The following DAAM2 variants were observed in gnomAD, a reference collection of about 807,000 sequenced individuals.
DAAM2 encodes the protein dishevelled associated activator of morphogenesis 2.
In DAAM2, 39 loss-of-function variants were observed where a neutral mutation model predicts 120.7. The observed-to-expected ratio is 0.32, with a 90% confidence interval of 0.25 to 0.42. DAAM2 has a LOEUF of 0.42. Among genes scored for constraint, DAAM2 ranks in the 10% least tolerant of loss-of-function variants. The pLI is 1.00. For missense variants in DAAM2, 1,283 were observed against 1,401.7 expected, an observed-to-expected ratio of 0.92 and a Z score of 1.35; for synonymous variants, 488 against 524.9, an observed-to-expected ratio of 0.93 and a Z score of 0.96.
At chr6:39,893,648 T>C (rs559776468) in intron 19 of DAAM2, among the ~76,000 whole-genome samples, 1 of 152,378 alleles carries the variant, frequency 6.6e-6, no homozygotes, top group Non-Finnish European at 1.5e-5. Context: ...TCTATAGCTC[T>C]GCTCTATAAT....
intron 1 of DAAM2, among the ~76,000 whole-genome samples, chr6:39,799,163 T>A (rs1761788944): frequency 6.6e-6 from 1 of 152,104 alleles, no homozygotes; most frequent in Non-Finnish European, 1.5e-5. Flanking sequence ...GTTTGGTGGC[T>A]CCTGCCCTCC....
At chr6:39,819,140 C>T (rs1184239484) in intron 1 of DAAM2, 3 of 152,210 alleles carry the variant, frequency 2.0e-5, no homozygotes, top group African/African-American at 7.2e-5. Context: ...AGAATGCAGG[C>T]TACACCCCAG....
At chr6:39,885,790 G>C (rs1176056049) in intron 15 of DAAM2, 1 of 152,296 alleles carries the variant, frequency 6.6e-6, no homozygotes, top group Non-Finnish European at 1.5e-5. Context: ...GGGCAGGGGA[G>C]GTCCTGGGAG....
At chr6:39,871,208 A>G (rs1764646424) in intron 8 of DAAM2, among the ~76,000 whole-genome samples, 1 of 152,152 alleles carries the variant, frequency 6.6e-6, no homozygotes, top group South Asian at 2.1e-4. Flanking sequence ...ATCCTCACAG[A>G]TCAGCCTCCC....
At chr6:39,855,454 A>G (rs1433116746) in intron 1 of DAAM2, among the ~76,000 whole-genome samples, 1 of 152,178 alleles carries the variant, frequency 6.6e-6, no homozygotes, top group African/African-American at 2.4e-5. Flanking sequence ...GTTGCCTGGT[A>G]TGAAAAGAAA....
At chr6:39,858,702 G>A (rs563769036) in intron 2 of DAAM2, among the ~76,000 whole-genome samples, 1 of 152,118 alleles carries the variant, frequency 6.6e-6, no homozygotes, top group Non-Finnish European at 1.5e-5. Flanking sequence ...CTCTACATAA[G>A]TACATCATAG....
chr6:39,825,267 G>A (rs1200838433), intron 1 of DAAM2, among the ~76,000 whole-genome samples: 1 of 152,058 alleles, frequency 6.6e-6, no homozygotes, highest in East Asian at 1.9e-4. Flanking sequence ...GTGTGCGCCT[G>A]TAGTTTCAGC....
Position 39,902,037 on chromosome 6 carries a change from AC to A in DAAM2, c.*2del, listed in dbSNP as rs768382438. ...GGGCAATAAACCGGCTAAATTATTG[AC>A]CTGGGGAACTAGCCACACAGGAGGC... On this transcript the variant is annotated 3_prime_UTR_variant, in exon 25 of 25. Coordinates refer to ENST00000274867, the MANE Select transcript of DAAM2 (RefSeq NM_001201427.2). 90 of 1,597,978 alleles carry A rather than the reference AC, an allele frequency of 5.6e-5. No homozygotes were observed. In the South Asian group the frequency reaches 9.8e-4, roughly 17 times the overall value.
At chr6:39,844,754 G>A (rs560690938) in intron 1 of DAAM2, among the ~76,000 whole-genome samples, 72 of 152,206 alleles carry the variant, frequency 4.7e-4, no homozygotes, top group African/African-American at 1.6e-3. Context: ...CTGATTTCCA[G>A]CGATCTTACT....
intron 19 of DAAM2, among the ~76,000 whole-genome samples, chr6:39,896,423 C>G (rs542481345): frequency 6.6e-6 from 1 of 152,066 alleles, no homozygotes; most frequent in Non-Finnish European, 1.5e-5. Context: ...AGGCTGGTCT[C>G]GAACTCCTGA....
At position 39,901,151 on chromosome 6, in the gene DAAM2, T is replaced by C. The variant is rs769306832; in HGVS notation, c.2812-151T>C. 6 of 679,042 alleles carry C rather than the reference T, an allele frequency of 8.8e-6. No homozygotes were observed. Among genetic ancestry groups the C allele is most frequent in the Non-Finnish European group, 1.5e-5 (6 of 388,440 alleles). 42.1% of individuals were successfully genotyped at this position (679,042 alleles called of 1,614,324 possible). A position where few individuals can be genotyped will look rare whatever the true frequency, so the allele number is the denominator to read the frequency against. On this transcript the variant is annotated intron_variant, in intron 23 of 24. Coordinates refer to ENST00000274867, the MANE Select transcript of DAAM2 (RefSeq NM_001201427.2). The surrounding 1 kb of genome is among the most constrained non-coding windows in gnomAD (Gnocchi z 4.5). ...TCTCTGATCCTGATGATGATGGGGG[T>C]GTCTTCTCACCTCTTCCAGCCCTGC...
intron 14 of DAAM2, among the ~76,000 whole-genome samples, chr6:39,880,939 G>T (rs918809360): frequency 1.7e-4 from 26 of 152,158 alleles, no homozygotes; most frequent in Admixed American, 5.2e-4. Flanking sequence ...CAACCGCTCT[G>T]CAGAACGTGC....
intron 1 of DAAM2, among the ~76,000 whole-genome samples, chr6:39,851,451 AATG>A (rs1477790733): frequency 6.6e-6 from 1 of 152,218 alleles, no homozygotes; most frequent in East Asian, 1.9e-4. Flanking sequence ...GAGGGAATAA[AATG>A]TCGACATAGC....
At chr6:39,806,840 C>CAAAAA (rs200270782) in intron 1 of DAAM2, among the ~76,000 whole-genome samples, 2 of 25,180 alleles carry the variant, frequency 7.9e-5, no homozygotes, top group Non-Finnish European at 3.1e-4. Context: ...ATCAGATTGG[C>CAAAAA]AAAAAAAAAA....
Position 39,875,559 on chromosome 6 carries a change from C to T in DAAM2, c.1301+91C>T, listed in dbSNP as rs536941733. 141 of 1,464,044 alleles carry T rather than the reference C, an allele frequency of 9.6e-5. 1 individual carries two copies. The highest frequency in any genetic ancestry group is 2.7e-4 in the South Asian group (20 of 75,384). 90.7% of individuals were successfully genotyped at this position (1,464,044 alleles called of 1,614,324 possible). A position where few individuals can be genotyped will look rare whatever the true frequency, so the allele number is the denominator to read the frequency against. ...CACCAGCGAAACCTCAGCTCCCTTTCGCAACCCAGTCATCCCGAAATGAGT... is the reference window on the plus strand; with the variant it reads ...CACCAGCGAAACCTCAGCTCCCTTTTGCAACCCAGTCATCCCGAAATGAGT... On this transcript the variant is annotated intron_variant, in intron 11 of 24. Coordinates refer to ENST00000274867, the MANE Select transcript of DAAM2 (RefSeq NM_001201427.2).
intron 1 of DAAM2, among the ~76,000 whole-genome samples, chr6:39,845,355 AT>A: frequency 7.7e-3 from 1 of 130 alleles, no homozygotes; most frequent in African/African-American, 0.056. Context: ...TCCCATACAC[AT>A]CACACATGCA....
chr6:39,857,869 T>G (rs559403945), intron 2 of DAAM2, among the ~76,000 whole-genome samples: 12 of 152,202 alleles, frequency 7.9e-5, no homozygotes, highest in Admixed American at 7.8e-4. Context: ...AGACCTCCCC[T>G]GCCTCCAAGA....
intron 1 of DAAM2, among the ~76,000 whole-genome samples, chr6:39,827,526 T>C (rs998258197): frequency 6.6e-6 from 1 of 152,116 alleles, no homozygotes; most frequent in East Asian, 1.9e-4. Flanking sequence ...CCCCAGGGAA[T>C]GGTGGCCCTC....
At chr6:39,809,274 G>A (rs1762096734) in intron 1 of DAAM2, among the ~76,000 whole-genome samples, 3 of 152,114 alleles carry the variant, frequency 2.0e-5, no homozygotes, top group African/African-American at 7.2e-5. Flanking sequence ...GGGGGAGTGG[G>A]CACTCTGAAA....
Sources: allele counts gnomAD v4.1 joint callset (sites outside exome capture counted in the v4.1 genomes callset), GRCh38; gene constraint gnomAD v4.1.1; non-coding constraint Gnocchi (gnomAD v3.1); transcripts MANE v1.5; gene names NCBI Gene and HGNC (gene_info 2026-07-23, HGNC 2026-07-21).